Variants in SGCZ observed in about 807,000 individuals in gnomAD.
The protein encoded by SGCZ is zeta-sarcoglycan.
SGCZ carries 40 observed loss-of-function variants against 41.3 expected under a neutral mutation model. The ratio of observed to expected loss-of-function variants is 0.97; its 90% CI spans 0.75 to 1.26. The LOEUF (loss-of-function observed/expected upper bound fraction) is 1.26. SGCZ is among the 50% of genes most tolerant of loss of function. The pLI, the probability that SGCZ is intolerant of heterozygous loss-of-function variation, is 0.00. For missense variants in SGCZ, 552 were observed against 369.8 expected, an observed-to-expected ratio of 1.49 and a Z score of -4.04; for synonymous variants, 206 against 137.5, an observed-to-expected ratio of 1.50 and a Z score of -3.49.
chr8:14,541,886 G>C (rs780845593), intron 2 of SGCZ, among the ~76,000 whole-genome samples: 1 of 152,132 alleles, frequency 6.6e-6, no homozygotes, highest in African/African-American at 2.4e-5. Flanking sequence ...GACCAGTGAT[G>C]ATGAGCTTTT....
At chr8:15,004,349 G>A (rs1030922122) in intron 1 of SGCZ, among the ~76,000 whole-genome samples, 6 of 152,254 alleles carry the variant, frequency 3.9e-5, no homozygotes, top group Middle Eastern at 3.4e-3. Context: ...CTAATAGTAA[G>A]GGATGATCCC....
intron 5 of SGCZ, among the ~76,000 whole-genome samples, chr8:14,148,303 G>C (rs894237752): frequency 1.3e-5 from 2 of 151,608 alleles, no homozygotes; most frequent in South Asian, 4.1e-4. Context: ...CAAACCTTTA[G>C]CCAAACTAAG....
chr8:15,103,805 T>A (rs1197906271), intron 1 of SGCZ, among the ~76,000 whole-genome samples: 1 of 151,716 alleles, frequency 6.6e-6, no homozygotes, highest in Non-Finnish European at 1.5e-5. Context: ...GAAAGAAACA[T>A]GAAGAAAAGG....
intron 1 of SGCZ, among the ~76,000 whole-genome samples, chr8:14,612,239 G>A (rs1411846698): frequency 3.3e-5 from 5 of 152,102 alleles, no homozygotes; most frequent in Admixed American, 1.3e-4. Context: ...CTGTTGCCAG[G>A]TGATTGGATC....
chr8:14,582,170 T>C (rs563151190), intron 1 of SGCZ, among the ~76,000 whole-genome samples: 3 of 152,268 alleles, frequency 2.0e-5, no homozygotes, highest in Non-Finnish European at 4.4e-5. Context: ...ATATATTATA[T>C]ATATGTATAA....
intron 2 of SGCZ, among the ~76,000 whole-genome samples, chr8:14,464,453 A>C (rs896735565): frequency 6.8e-6 from 1 of 146,926 alleles, no homozygotes; most frequent in African/African-American, 2.5e-5. Flanking sequence ...TACTGTCTCC[A>C]CCCTCAATTC....
At chr8:14,561,766 C>T (rs907360342) in intron 1 of SGCZ, among the ~76,000 whole-genome samples, 17 of 152,090 alleles carry the variant, frequency 1.1e-4, no homozygotes, top group African/African-American at 4.1e-4. Flanking sequence ...TTTAAATTTG[C>T]ACTTTGAAAT....
chr8:14,390,019 C>A (rs1243280869), intron 2 of SGCZ, among the ~76,000 whole-genome samples: 1 of 151,682 alleles, frequency 6.6e-6, no homozygotes, highest in Non-Finnish European at 1.5e-5. Context: ...TCCTGCAAGA[C>A]TGAAGAAAAA....
At chr8:14,775,986 G>A (rs1447553252) in intron 1 of SGCZ, among the ~76,000 whole-genome samples, 1 of 152,250 alleles carries the variant, frequency 6.6e-6, no homozygotes, top group Non-Finnish European at 1.5e-5. Context: ...TAAGCCCATC[G>A]TGGAAACACA....
intron 1 of SGCZ, chr8:14,690,710 A>C (rs1585185471): frequency 6.6e-6 from 1 of 152,314 alleles, no homozygotes; most frequent in South Asian, 2.1e-4. Flanking sequence ...TAACCAGTTA[A>C]GTTAGTTCCT....
At chr8:14,177,654 C>G (rs1210651874) in intron 4 of SGCZ, among the ~76,000 whole-genome samples, 1 of 150,798 alleles carries the variant, frequency 6.6e-6, no homozygotes, top group East Asian at 2.0e-4. Context: ...GGACTACAGG[C>G]GCCCGCCACC....
At chr8:15,082,733 C>T (rs1805801095) in intron 1 of SGCZ, among the ~76,000 whole-genome samples, 1 of 152,064 alleles carries the variant, frequency 6.6e-6, no homozygotes. Flanking sequence ...GGTTGTTTTC[C>T]TTCCTACCTT....
chr8:14,880,616 T>C lies in SGCZ; in HGVS notation c.40-325690A>G, dbSNP rs139206811. ...GGCACATATACACCATGTGATACTA[T>C]GCAGCCATGAAAAACGATGAGTTCA... On this transcript the variant is annotated intron_variant, in intron 1 of 7. Transcript: ENST00000382080. Among the ~76,000 whole-genome samples, 424 of 152,286 alleles carry C rather than the reference T, an allele frequency of 2.8e-3. 2 individuals carry two copies. The highest frequency in any genetic ancestry group is 0.014 in the Middle Eastern group (4 of 294).
chr8:14,730,495 T>C (rs1361154792), intron 1 of SGCZ, among the ~76,000 whole-genome samples: 1 of 152,100 alleles, frequency 6.6e-6, no homozygotes, highest in Non-Finnish European at 1.5e-5. Context: ...CCTCAAGCCC[T>C]AGCTTGTTAT....
At chr8:14,485,413 T>G (rs1234697396) in intron 2 of SGCZ, among the ~76,000 whole-genome samples, 1 of 152,090 alleles carries the variant, frequency 6.6e-6, no homozygotes, top group African/African-American at 2.4e-5. Flanking sequence ...ATTTTTTGTG[T>G]TTTTAGTAGA....
At chr8:14,690,815 T>C (rs1808777256) in intron 1 of SGCZ, among the ~76,000 whole-genome samples, 1 of 152,184 alleles carries the variant, frequency 6.6e-6, no homozygotes, top group Non-Finnish European at 1.5e-5. Context: ...TTTGCTACTT[T>C]AGAAAAAAGT....
At chr8:14,460,187 A>G (rs867540794) in intron 2 of SGCZ, among the ~76,000 whole-genome samples, 1 of 152,214 alleles carries the variant, frequency 6.6e-6, no homozygotes, top group African/African-American at 2.4e-5. Context: ...TTCTGTAAAT[A>G]TAAAATTATT....
intron 1 of SGCZ, among the ~76,000 whole-genome samples, chr8:15,140,786 C>T (rs973307706): frequency 6.6e-6 from 1 of 152,170 alleles, no homozygotes. Context: ...TTATCCTGCT[C>T]ATTCCATCCT....
chr8:14,339,446 G>C (rs897295347), intron 2 of SGCZ, among the ~76,000 whole-genome samples: 1 of 152,188 alleles, frequency 6.6e-6, no homozygotes, highest in Non-Finnish European at 1.5e-5. Context: ...ATTAGGATAA[G>C]TTATTGCAGG....
Sources: gnomAD v4.1 joint callset for allele counts (sites outside exome capture counted in the v4.1 genomes callset) on GRCh38, gnomAD v4.1.1 for gene constraint, MANE v1.5 for transcripts, NCBI Gene and HGNC (gene_info 2026-07-23, HGNC 2026-07-21) for gene names.